The following MAP3K5 variants were observed in gnomAD, a reference collection of about 807,000 sequenced individuals.
MAP3K5 encodes the protein mitogen-activated protein kinase kinase kinase 5, also known as ASK-1.
A neutral mutation model predicts 158.7 loss-of-function variants in MAP3K5; 56 were observed. That is an observed-to-expected ratio of 0.35 (90% CI 0.28 to 0.44). MAP3K5 has a LOEUF of 0.44. Ranked by LOEUF, MAP3K5 falls within the 20% of genes least tolerant of loss-of-function variation. The pLI, the probability that MAP3K5 is intolerant of heterozygous loss-of-function variation, is 1.00. For missense variants in MAP3K5, 1,294 were observed against 1,674.8 expected (o/e 0.77, Z 3.97); for synonymous variants, 579 against 601.7 (o/e 0.96, Z 0.55).
At chr6:136,780,869 GT>G (rs1784585900) in intron 1 of MAP3K5, among the ~76,000 whole-genome samples, 1 of 152,052 alleles carries the variant, frequency 6.6e-6, no homozygotes, top group South Asian at 2.1e-4. Flanking sequence ...AATGTAGGTC[GT>G]TCCTCCTGAC....
At chr6:136,570,476 C>T (rs933133878) in intron 25 of MAP3K5, among the ~76,000 whole-genome samples, 1 of 152,160 alleles carries the variant, frequency 6.6e-6, no homozygotes, top group Admixed American at 6.5e-5. Context: ...TAGTCCCGGT[C>T]CTGTAACATC....
intron 1 of MAP3K5, among the ~76,000 whole-genome samples, chr6:136,752,767 G>A (rs1783274095): frequency 6.6e-6 from 1 of 152,158 alleles, no homozygotes; most frequent in African/African-American, 2.4e-5. Context: ...GGGCACTCCA[G>A]ATAAAGGCAG....
intron 18 of MAP3K5, among the ~76,000 whole-genome samples, chr6:136,607,829 T>C (rs1050097463): frequency 6.6e-6 from 1 of 152,216 alleles, no homozygotes; most frequent in Non-Finnish European, 1.5e-5. Context: ...TAGAAATACC[T>C]GGGCTTATGT....
At chr6:136,656,588 TA>T in intron 9 of MAP3K5, 128 bp from the exon 10 acceptor site, 1 of 617,418 alleles carries the variant, frequency 1.6e-6, no homozygotes, top group South Asian at 2.3e-5. Flanking sequence ...GATTCACCGT[TA>T]TTCGTTATTT....
intron 9 of MAP3K5, among the ~76,000 whole-genome samples, 178 bp downstream of exon 9, chr6:136,659,041 T>C (rs1232729387): frequency 6.6e-6 from 1 of 152,222 alleles, no homozygotes; most frequent in Non-Finnish European, 1.5e-5. Context: ...ATCACCTATG[T>C]CCAAAGTCAT....
At chr6:136,681,691 C>T (rs1056121172) in intron 7 of MAP3K5, among the ~76,000 whole-genome samples, 11 of 152,052 alleles carry the variant, frequency 7.2e-5, no homozygotes, top group Admixed American at 2.0e-4. Flanking sequence ...CCAAGGTGGG[C>T]AGATCACGAG....
intron 7 of MAP3K5, among the ~76,000 whole-genome samples, chr6:136,687,043 C>T (rs1326083072): frequency 1.3e-5 from 2 of 152,122 alleles, no homozygotes; most frequent in Non-Finnish European, 2.9e-5. Flanking sequence ...GCTACAGTAA[C>T]CAAAACATCA....
chr6:136,628,312 T>C (rs1486715286), intron 14 of MAP3K5, among the ~76,000 whole-genome samples: 2 of 152,066 alleles, frequency 1.3e-5, no homozygotes, highest in African/African-American at 4.8e-5. Context: ...GGGGTCTTGC[T>C]ATGTTGCCCA....
intron 14 of MAP3K5, among the ~76,000 whole-genome samples, chr6:136,627,286 A>G (rs1322208246): frequency 2.0e-5 from 3 of 152,290 alleles, no homozygotes; most frequent in Middle Eastern, 3.4e-3. Context: ...CTCTGCAAAA[A>G]AAAAGTTCAG....
At chr6:136,737,659 C>T (rs1782533986) in intron 1 of MAP3K5, among the ~76,000 whole-genome samples, 1 of 152,236 alleles carries the variant, frequency 6.6e-6, no homozygotes, top group Non-Finnish European at 1.5e-5. Context: ...ACTCCCTTTA[C>T]TCTGTTCTCC....
Position 136,698,724 on chromosome 6 carries a change from G to A in MAP3K5, c.613-42C>T, listed in dbSNP as rs763908989. ...CATCGGCAAGTGGGGAGCTGGCCTG[G>A]AGACACGGCACAGATGGAATCCCAC... On this transcript the variant is annotated intron_variant, in intron 3 of 29. Coordinates refer to ENST00000359015, the MANE Select transcript of MAP3K5 (RefSeq NM_005923.4). 5 of 1,440,886 alleles carry A rather than the reference G, an allele frequency of 3.5e-6. No individual in the cohort carries two copies. In the Admixed American group the frequency reaches 7.1e-5, roughly 20 times the overall value. 89.3% of individuals were successfully genotyped at this position (1,440,886 alleles called of 1,614,324 possible). A position where few individuals can be genotyped will look rare whatever the true frequency, so the allele number is the denominator to read the frequency against.
chr6:136,573,002 C>T (rs1224467041), intron 25 of MAP3K5, among the ~76,000 whole-genome samples: 1 of 152,190 alleles, frequency 6.6e-6, no homozygotes, highest in Non-Finnish European at 1.5e-5. Context: ...ATATAATTCA[C>T]ATGTACACTG....
chr6:136,655,168 T>G (rs1383538259), intron 10 of MAP3K5, among the ~76,000 whole-genome samples: 1 of 152,222 alleles, frequency 6.6e-6, no homozygotes, highest in Non-Finnish European at 1.5e-5. Context: ...ATTTGAATGG[T>G]TTCCTTTCAT....
intron 1 of MAP3K5, among the ~76,000 whole-genome samples, chr6:136,773,829 G>A (rs1784304845): frequency 6.6e-6 from 1 of 151,952 alleles, no homozygotes. Flanking sequence ...TCTATTTTTA[G>A]TAAAGATGGG....
chr6:136,617,890 G>A lies in MAP3K5; in HGVS notation c.2151-3604C>T, dbSNP rs112888060. Among the ~76,000 whole-genome samples the A allele has an allele frequency of 6.6e-4, 100 of 152,200 alleles. 1 individual carries two copies. Among genetic ancestry groups the A allele is most frequent in the African/African-American group, 2.3e-3 (94 of 41,538 alleles). On this transcript the variant is annotated intron_variant, in intron 15 of 29. Coordinates refer to ENST00000359015, the MANE Select transcript of MAP3K5 (RefSeq NM_005923.4). ...GGAGGTTGCAGTGAGCCGAGATCGC[G>A]CCACTGCACTCCAGCCTGGGCGACA...
intron 10 of MAP3K5, among the ~76,000 whole-genome samples, chr6:136,656,001 CG>C (rs1299899583): frequency 6.6e-6 from 1 of 152,084 alleles, no homozygotes; most frequent in Non-Finnish European, 1.5e-5. Context: ...AAGCATACAT[CG>C]GGCTGGCATG....
chr6:136,618,517 T>C (rs1776664193), intron 15 of MAP3K5, among the ~76,000 whole-genome samples: 1 of 152,224 alleles, frequency 6.6e-6, no homozygotes, highest in South Asian at 2.1e-4. Flanking sequence ...ATTTTAAAAG[T>C]GAGTTTCTTC....
At chr6:136,636,408 T>C (rs377343192) in intron 14 of MAP3K5, among the ~76,000 whole-genome samples, 42 of 152,214 alleles carry the variant, frequency 2.8e-4, no homozygotes, top group African/African-American at 9.9e-4. Flanking sequence ...GTTTACAGTA[T>C]TTTGTTACAG....
Position 136,792,194 on chromosome 6 carries a change from C to A in MAP3K5, c.-37G>T, listed in dbSNP as rs1353596241. 3 of 1,522,074 alleles carry A rather than the reference C, an allele frequency of 2.0e-6. No individual in the cohort carries two copies. The highest frequency in any genetic ancestry group is 2.3e-4 in the Middle Eastern group (1 of 4,380). 94.3% of individuals were successfully genotyped at this position (1,522,074 alleles called of 1,614,324 possible). On this transcript the variant is annotated 5_prime_UTR_variant, in exon 1 of 30. Transcript: ENST00000359015. This position sits in a 1 kb window ranked among gnomAD's most constrained non-coding sequence, Gnocchi z 5.7. Reference sequence around the variant, plus strand: ...GGGCAGCAACGGCGGCGGCGTCCCCCGCCCAGCCGCACCGCCTGGCCAGCC... The same window carrying A: ...GGGCAGCAACGGCGGCGGCGTCCCCAGCCCAGCCGCACCGCCTGGCCAGCC...
Sources: allele counts gnomAD v4.1 joint callset (sites outside exome capture counted in the v4.1 genomes callset), GRCh38; gene constraint gnomAD v4.1.1; non-coding constraint Gnocchi (gnomAD v3.1); transcripts MANE v1.5; gene names NCBI Gene and HGNC (gene_info 2026-07-23, HGNC 2026-07-21).